The following NOL10 variants were observed in gnomAD, a reference collection of about 807,000 sequenced individuals.
NOL10 encodes H_NH0074G24.1.
NOL10 carries 58 observed loss-of-function variants against 103.5 expected under a neutral mutation model. The observed-to-expected ratio is 0.56, with a 90% confidence interval of 0.45 to 0.70. NOL10 has a LOEUF of 0.70. Ranked by LOEUF, NOL10 falls within the 30% of genes least tolerant of loss-of-function variation. The pLI, the probability that NOL10 is intolerant of heterozygous loss-of-function variation, is 0.00. For missense variants in NOL10, 763 were observed against 807.3 expected (o/e 0.95, Z 0.67); for synonymous variants, 287 against 282.5 (o/e 1.02, Z -0.16).
At chr2:10,573,695 T>C (rs1558261243) in intron 20 of NOL10, among the ~76,000 whole-genome samples, 2 of 151,100 alleles carry the variant, frequency 1.3e-5, no homozygotes, top group African/African-American at 4.9e-5. Context: ...CCCATTCTAA[T>C]AAGTTCTTAA....
rs750808971 is a variant in NOL10 at position 10,668,708 on chromosome 2, C to T, written c.480G>A (p.Arg160=). ...YFVGASSEVY[R]LNLEQGRYLN... ...GGTATCGTCCTTGTTCTAAGTTTAA[C>T]CTATAAACTTCAGAACTGTAAAGTA... is the stretch of plus-strand genomic sequence containing the variant. Residue 160 remains arginine (R), a synonymous_variant, in exon 7 of 21, where the codon AGG becomes AGA. Transcript: ENST00000381685. 84 of 1,525,708 alleles carry T rather than the reference C, an allele frequency of 5.5e-5. No individual in the cohort carries two copies. The highest frequency in any genetic ancestry group is 7.0e-5 in the Non-Finnish European group (79 of 1,120,656). The allele number at this position is 1,525,708 out of a possible 1,614,324, so 94.5% of individuals were successfully genotyped here. A position where few individuals can be genotyped will look rare whatever the true frequency, so the allele number is the denominator to read the frequency against.
chr2:10,614,663 G>T (rs1214125470), intron 13 of NOL10, among the ~76,000 whole-genome samples: 1 of 152,050 alleles, frequency 6.6e-6, no homozygotes, highest in African/African-American at 2.4e-5. Flanking sequence ...TCCAGTCAGG[G>T]TTTACCACAG....
At chr2:10,659,329 C>T (rs1359184135) in intron 9 of NOL10, 79 bp from the exon 10 acceptor site, 8 of 513,060 alleles carry the variant, frequency 1.6e-5, no homozygotes, top group East Asian at 7.4e-5. Context: ...TTAGTCTTCA[C>T]TTCAAATCTA....
At chr2:10,676,883 C>T (rs1681344061) in intron 3 of NOL10, among the ~76,000 whole-genome samples, 1 of 151,470 alleles carries the variant, frequency 6.6e-6, no homozygotes, top group Admixed American at 6.6e-5. Flanking sequence ...GGTGATCCAC[C>T]CACCTTGGCC....
At chr2:10,684,451 T>C in intron 2 of NOL10, 116 bp downstream of exon 2, 1 of 812,498 alleles carries the variant, frequency 1.2e-6, no homozygotes, top group Non-Finnish European at 1.9e-6. Context: ...AGCATTCATT[T>C]TCCACTACAT....
rs1558277538 is a variant in NOL10, at chr2:10,595,593, GTTTTGTT to G, written c.1422+5253_1422+5259del. On this transcript the variant is annotated intron_variant, in intron 17 of 20. Transcript: ENST00000381685. ...GATTACAGAAATGTTTTTTTGTTTTGTTTTGTTTTTGTTTGTTTGTTTGTTTTTTGAG... is the reference window on the plus strand; with the variant it reads ...GATTACAGAAATGTTTTTTTGTTTTGTTTGTTTGTTTGTTTGTTTTTTGAG... 5.1e-3 allele frequency among the ~76,000 whole-genome samples: 366 copies of G among 72,370 alleles called. 3 individuals carry two copies. The highest frequency in any genetic ancestry group is 0.016 in the African/African-American group (349 of 22,422). 47.5% of individuals were successfully genotyped at this position (72,370 alleles called of 152,430 possible). A position where few individuals can be genotyped will look rare whatever the true frequency, so the allele number is the denominator to read the frequency against.
intron 10 of NOL10, 132 bp from the exon 11 acceptor site, chr2:10,658,023 T>G: frequency 1.8e-6 from 1 of 553,002 alleles, no homozygotes; most frequent in East Asian, 3.1e-5. Flanking sequence ...TTACTCAAGG[T>G]GCTGAGATTT....
At chr2:10,574,219 GA>G (rs1164532247) in intron 20 of NOL10, among the ~76,000 whole-genome samples, 1 of 152,172 alleles carries the variant, frequency 6.6e-6, no homozygotes. Context: ...TGCGTTAATG[GA>G]AAACTCAGAA....
intron 12 of NOL10, among the ~76,000 whole-genome samples, chr2:10,649,619 C>T (rs1318699126): frequency 6.6e-6 from 1 of 152,022 alleles, no homozygotes; most frequent in Non-Finnish European, 1.5e-5. Context: ...TGCGCCTGGC[C>T]TGAAATTCTT....
At chr2:10,580,703 G>GCTGA (rs34157415) in intron 19 of NOL10, among the ~76,000 whole-genome samples, 89,686 of 151,556 alleles carry the variant, frequency 0.59, 27,540 homozygotes, top group African/African-American at 0.74. Context: ...CACCAGGGAG[G>GCTGA]CTAATTTACT....
At chr2:10,596,495 A>G (rs1467548299) in intron 17 of NOL10, among the ~76,000 whole-genome samples, 4 of 152,140 alleles carry the variant, frequency 2.6e-5, no homozygotes, top group African/African-American at 9.7e-5. Context: ...GGAGCTCGCA[A>G]CCTAGATCCC....
intron 8 of NOL10, among the ~76,000 whole-genome samples, chr2:10,664,177 T>TC (rs1680421580): frequency 6.6e-6 from 1 of 150,972 alleles, no homozygotes; most frequent in South Asian, 2.1e-4. Context: ...ATGCCTGTAA[T>TC]CCCAGCACTT....
intron 13 of NOL10, among the ~76,000 whole-genome samples, chr2:10,637,981 G>A (rs1332172218): frequency 6.6e-6 from 1 of 152,136 alleles, no homozygotes; most frequent in Non-Finnish European, 1.5e-5. Flanking sequence ...TTAAGAAAAT[G>A]TTTGAAAATA....
chr2:10,627,540 T>A (rs1331301602), intron 13 of NOL10, among the ~76,000 whole-genome samples: 2 of 152,068 alleles, frequency 1.3e-5, no homozygotes, highest in Admixed American at 6.5e-5. Flanking sequence ...TCGGGCGTGG[T>A]GGCGGGTGCC....
intron 13 of NOL10, among the ~76,000 whole-genome samples, chr2:10,613,408 T>G (rs1028776179): frequency 2.6e-5 from 4 of 152,314 alleles, no homozygotes; most frequent in Non-Finnish European, 5.9e-5. Flanking sequence ...ATGGGATTAG[T>G]GCCAAAACAG....
chr2:10,615,069 G>T (rs1558291069), intron 13 of NOL10, among the ~76,000 whole-genome samples: 1 of 152,176 alleles, frequency 6.6e-6, no homozygotes, highest in African/African-American at 2.4e-5. Context: ...AGAGGGAGTG[G>T]CCATGACCTT....
At chr2:10,604,112 C>T (rs1463046910) in intron 14 of NOL10, among the ~76,000 whole-genome samples, 3 of 152,196 alleles carry the variant, frequency 2.0e-5, no homozygotes, top group African/African-American at 4.8e-5. Context: ...ACTAGTTTCA[C>T]GCTCCTATAA....
In NOL10 at chr2:10,649,028, G is replaced by T. The variant is rs144509818; in HGVS notation, c.974-4656C>A. Among the ~76,000 whole-genome samples, 5 of 152,218 alleles carry T rather than the reference G, an allele frequency of 3.3e-5. No homozygotes were observed. The East Asian group carries it at 7.7e-4, about 24-fold the overall frequency. On this transcript the variant is annotated intron_variant, in intron 12 of 20. Coordinates refer to ENST00000381685, the MANE Select transcript of NOL10 (RefSeq NM_024894.4). ...GAACAATTAGGAAAACCTGAAAATGGACTGGATGTAAGATAATATTAGAAA... is the reference window on the plus strand; with the variant it reads ...GAACAATTAGGAAAACCTGAAAATGTACTGGATGTAAGATAATATTAGAAA...
chr2:10,607,289 C>G lies in NOL10; in HGVS notation c.1049G>C (p.Trp350Ser). The change falls in exon 14 of 21, where the codon TGG (tryptophan) becomes TCG (serine). Residue 350 changes from tryptophan (W) to serine (S), a missense_variant. Trp to Ser is a radical substitution (Grantham distance 177). Coordinates refer to ENST00000381685, the MANE Select transcript of NOL10 (RefSeq NM_024894.4). ...GGTCAAGTTGTCTAAGAAGGAACACCACCGAGGAGCAGGACCCAAAACCTG... is the reference window on the plus strand; with the variant it reads ...GGTCAAGTTGTCTAAGAAGGAACACGACCGAGGAGCAGGACCCAAAACCTG... ...YIPVLGPAPR[W>S]CSFLDNLTEE... 1 of 1,606,112 alleles carries G rather than the reference C, an allele frequency of 6.2e-7. No homozygotes were observed. Among genetic ancestry groups the G allele is most frequent in the Non-Finnish European group, 8.5e-7 (1 of 1,176,246 alleles).
Sources: gnomAD v4.1 joint callset for allele counts (sites outside exome capture counted in the v4.1 genomes callset) on GRCh38, gnomAD v4.1.1 for gene constraint, MANE v1.5 for transcripts, NCBI Gene and HGNC (gene_info 2026-07-23, HGNC 2026-07-21) for gene names.